FBXO32: variants seen among roughly 807,000 people sequenced by gnomAD.
FBXO32 encodes F-box protein 32.
Under a neutral mutation model 48.3 loss-of-function variants are expected in FBXO32, and 15 were observed. The ratio of observed to expected loss-of-function variants is 0.31; its 90% CI spans 0.21 to 0.48. FBXO32 has a LOEUF of 0.48. FBXO32 is among the 20% of genes least tolerant of loss of function. The pLI is 0.99. For synonymous variants in FBXO32, 154 were observed against 165.9 expected, an observed-to-expected ratio of 0.93 and a Z score of 0.55; for missense variants, 309 against 432.7, an observed-to-expected ratio of 0.71 and a Z score of 2.54.
Position 123,513,497 on chromosome 8 carries a change from G to C in FBXO32, c.467-115C>G. 1.1e-6 allele frequency: 1 copy of C among 891,558 alleles called. No individual in the cohort carries two copies. The allele number at this position is 891,558 out of a possible 1,614,324, so 55.2% of individuals were successfully genotyped here. On this transcript the variant is annotated intron_variant, in intron 5 of 8. Coordinates refer to ENST00000517956, the MANE Select transcript of FBXO32 (RefSeq NM_058229.4). The surrounding 1 kb of genome is among the most constrained non-coding windows in gnomAD (Gnocchi z 4.3). ...CATGTTACCCAGGCACTGCCTCTGGGGATATGGTTTTCTTCCTCACCAGTG... is the reference window on the plus strand; with the variant it reads ...CATGTTACCCAGGCACTGCCTCTGGCGATATGGTTTTCTTCCTCACCAGTG...
intron 4 of FBXO32, among the ~76,000 whole-genome samples, chr8:123,530,655 G>A (rs534189150): frequency 2.6e-5 from 4 of 152,182 alleles, no homozygotes; most frequent in Admixed American, 1.3e-4. Context: ...TCGCACTGTC[G>A]CCCAGGCTGG....
chr8:123,536,931 A>G (rs1488641383), intron 1 of FBXO32, among the ~76,000 whole-genome samples: 3 of 152,164 alleles, frequency 2.0e-5, no homozygotes, highest in African/African-American at 7.2e-5. Context: ...CTAGTTTAGA[A>G]AGAATTTTAC....
intron 1 of FBXO32, among the ~76,000 whole-genome samples, chr8:123,537,208 CCACCACCATTTAGGAATTGGAG>C (rs1479941682): frequency 6.6e-6 from 1 of 151,384 alleles, no homozygotes; most frequent in Non-Finnish European, 1.5e-5. Flanking sequence ...ACAAGAAAAA[CCACCACCATTTAGGAATTGGAG>C]CACAGGATTT....
At chr8:123,533,061 T>C (rs1209032664) in intron 3 of FBXO32, 130 bp downstream of exon 3, 8 of 675,806 alleles carry the variant, frequency 1.2e-5, no homozygotes, top group African/African-American at 1.8e-5. Context: ...AATAGACTAA[T>C]AGCTGCCATC....
chr8:123,539,678 G>T (rs1261579680), intron 1 of FBXO32, among the ~76,000 whole-genome samples: 1 of 152,196 alleles, frequency 6.6e-6, no homozygotes, highest in Admixed American at 6.5e-5. Context: ...AGGCACGGGA[G>T]TTCAAGTTGC....
chr8:123,535,210 T>G lies in FBXO32; in HGVS notation c.117-396A>C, dbSNP rs114005116. Among the ~76,000 whole-genome samples the G allele has an allele frequency of 1.0e-3, 154 of 152,278 alleles. 1 individual carries two copies. The highest frequency in any genetic ancestry group is 3.6e-3 in the African/African-American group (148 of 41,554). ...GCTGTACTACACAATGCCTTCATTT[T>G]GCAAAAGTATCTACCCCAAGCTGCT... On this transcript the variant is annotated intron_variant, in intron 1 of 8. Transcript: ENST00000517956.
In FBXO32 at chr8:123,504,601, T is replaced by C. The variant is rs112855147; in HGVS notation, c.978+3A>G. ...CTGTGGCAGCCACCTCTGAGACACA[T>C]ACCTTCCAGGAAAGGATGTGACAGT... On this transcript the variant is annotated splice_donor_region_variant and intron_variant, in intron 8 of 8. Coordinates refer to ENST00000517956, the MANE Select transcript of FBXO32 (RefSeq NM_058229.4). 6.2e-7 allele frequency: 1 copy of C among 1,612,232 alleles called. No individual in the cohort carries two copies. The highest frequency in any genetic ancestry group is 8.5e-7 in the Non-Finnish European group (1 of 1,179,196).
intron 6 of FBXO32, among the ~76,000 whole-genome samples, chr8:123,508,191 G>C (rs566633526): frequency 6.6e-6 from 1 of 152,278 alleles, no homozygotes; most frequent in African/African-American, 2.4e-5. Context: ...AATATCCTGA[G>C]AATGGGTATC....
At position 123,499,975 on chromosome 8, in the gene FBXO32, C is replaced by A. The variant is rs987059891; in HGVS notation, c.*3398G>T. On this transcript the variant is annotated 3_prime_UTR_variant, in exon 9 of 9. Coordinates refer to ENST00000517956, the MANE Select transcript of FBXO32 (RefSeq NM_058229.4). ...GTCTTCCAAGCCACTTCAATGTAAACCTGATCATCATTAAACAAAAATCAT... is the reference window on the plus strand; with the variant it reads ...GTCTTCCAAGCCACTTCAATGTAAAACTGATCATCATTAAACAAAAATCAT... The A allele has an allele frequency of 6.6e-6, 1 of 152,230 alleles. No homozygotes were observed. The highest frequency in any genetic ancestry group is 1.5e-5 in the Non-Finnish European group (1 of 68,052). The allele number at this position is 152,230 out of a possible 1,614,324, so 9.4% of individuals were successfully genotyped here. A position where few individuals can be genotyped will look rare whatever the true frequency, so the allele number is the denominator to read the frequency against.
chr8:123,524,342 T>G (rs1312469304), intron 4 of FBXO32, among the ~76,000 whole-genome samples: 1 of 152,150 alleles, frequency 6.6e-6, no homozygotes, highest in East Asian at 1.9e-4. Context: ...TAATAATGAC[T>G]AACAAGGCCA....
chr8:123,517,084 A>T (rs1018811590), intron 4 of FBXO32, among the ~76,000 whole-genome samples: 1 of 152,228 alleles, frequency 6.6e-6, no homozygotes, highest in African/African-American at 2.4e-5. Flanking sequence ...CATGACCAAC[A>T]TGAAGCAGAT....
intron 4 of FBXO32, among the ~76,000 whole-genome samples, chr8:123,515,049 T>C (rs1816812056): frequency 6.6e-6 from 1 of 152,244 alleles, no homozygotes; most frequent in Admixed American, 6.5e-5. Context: ...ACTATATTTC[T>C]TGGTGCCCCA....
chr8:123,533,283 TG>T, intron 2 of FBXO32, 43 bp from the exon 3 acceptor site: 1 of 1,444,132 alleles, frequency 6.9e-7, no homozygotes, highest in South Asian at 1.2e-5. Flanking sequence ...ATCTGCAACA[TG>T]CTCAAGATTT....
At chr8:123,516,349 G>C (rs192418080) in intron 4 of FBXO32, among the ~76,000 whole-genome samples, 1 of 152,216 alleles carries the variant, frequency 6.6e-6, no homozygotes, top group African/African-American at 2.4e-5. Flanking sequence ...ACAGAGAACC[G>C]AGACCCCTCC....
Position 123,533,250 on chromosome 8 carries a change from CA to C in FBXO32, c.230-11del. 6.2e-7 allele frequency: 1 copy of C among 1,604,626 alleles called. No homozygotes were observed. Among genetic ancestry groups the C allele is most frequent in the Non-Finnish European group, 8.5e-7 (1 of 1,171,778 alleles). ...TTTTCTTGGTGGAAATCTACAGAGACAAAAAGAATACACAGCTTTAACATCT... is the reference window on the plus strand; with the variant it reads ...TTTTCTTGGTGGAAATCTACAGAGACAAAAGAATACACAGCTTTAACATCT... On this transcript the variant is annotated splice_polypyrimidine_tract_variant and intron_variant, in intron 2 of 8. Transcript: ENST00000517956.
intron 5 of FBXO32, 46 bp downstream of exon 5, chr8:123,514,194 A>G (rs893548719): frequency 4.2e-6 from 6 of 1,442,426 alleles, no homozygotes; most frequent in South Asian, 2.5e-5. Flanking sequence ...CCATCTGCCC[A>G]CCTCCATGCC....
intron 1 of FBXO32, among the ~76,000 whole-genome samples, chr8:123,535,370 C>CA (rs1448673245): frequency 6.6e-6 from 1 of 152,146 alleles, no homozygotes; most frequent in Non-Finnish European, 1.5e-5. Flanking sequence ...ATCACGTTTA[C>CA]AAAAATCTGA....
At chr8:123,516,301 T>C (rs1475153401) in intron 4 of FBXO32, among the ~76,000 whole-genome samples, 3 of 152,060 alleles carry the variant, frequency 2.0e-5, no homozygotes, top group African/African-American at 7.3e-5. Flanking sequence ...GCAAAAGTAA[T>C]TGTGGTAATA....
intron 4 of FBXO32, among the ~76,000 whole-genome samples, chr8:123,519,279 C>T (rs999009723): frequency 1.2e-4 from 19 of 152,032 alleles, no homozygotes; most frequent in Admixed American, 2.6e-4. Context: ...TTGGGCTGGG[C>T]GTGGCGGCTC....
Sources: allele counts gnomAD v4.1 joint callset (sites outside exome capture counted in the v4.1 genomes callset), GRCh38; gene constraint gnomAD v4.1.1; non-coding constraint Gnocchi (gnomAD v3.1); transcripts MANE v1.5; gene names NCBI Gene and HGNC (gene_info 2026-07-23, HGNC 2026-07-21).